The following MYH11 variants were observed in gnomAD, a reference collection of about 807,000 sequenced individuals.
The protein encoded by MYH11 is myosin heavy chain 11.
In MYH11, 80 loss-of-function variants were observed where a neutral mutation model predicts 246.6. That is an observed-to-expected ratio of 0.32 (90% confidence interval 0.27 to 0.39). The LOEUF (loss-of-function observed/expected upper bound fraction) is 0.39, where lower values mean the gene tolerates loss of function less well. Ranked by LOEUF, MYH11 falls within the 10% of genes least tolerant of loss-of-function variation. The probability of loss-of-function intolerance (pLI) is 1.00; values close to 1 mark genes in which losing one functional copy is unlikely to be tolerated. For synonymous variants in MYH11, 1,071 were observed against 1,015.5 expected (o/e 1.05, Z -1.04); for missense variants, 2,158 against 2,546.8 (o/e 0.85, Z 3.29).
rs375230260 is a variant in MYH11, at chr16:15,717,265, C to T, written c.5379G>A (p.Gln1793=). 16 of 1,613,960 alleles carry T rather than the reference C, an allele frequency of 9.9e-6. No homozygotes were observed. The highest frequency in any genetic ancestry group is 1.3e-5 in the African/African-American group (1 of 74,942). ...GGAGCTTGCTCCGGAGCTCCTTGTT[C>T]TGCCGCTCGAGCTGCTGCCGGGCAC... is the stretch of plus-strand genomic sequence containing the variant. The part of the protein sequence containing the change: ...NESARQQLER[Q]NKELRSKLHE... The change falls in exon 38 of 41, where the codon CAG becomes CAA. Residue 1793 remains glutamine, a synonymous_variant. Transcript: ENST00000300036.
chr16:15,710,690 T>G (rs1351970315), intron 40 of MYH11, among the ~76,000 whole-genome samples: 3 of 151,416 alleles, frequency 2.0e-5, no homozygotes, highest in Admixed American at 6.6e-5. Context: ...TGTTTTTTGT[T>G]TTTTTTTTGG....
Position 15,838,322 on chromosome 16 carries a change from C to T in MYH11, c.-17-53G>A. The T allele has an allele frequency of 3.5e-6, 5 of 1,441,724 alleles. 1 individual carries two copies. The South Asian group carries it at 5.8e-5, about 17-fold the overall frequency. 89.3% of individuals were successfully genotyped at this position (1,441,724 alleles called of 1,614,324 possible). The stretch of plus-strand genomic sequence containing the variant: ...TCAGACCACAACCAAGCCCGGAAGA[C>T]AGACCAACCACTCACCTTGCCCTGT... On this transcript the variant is annotated intron_variant, in intron 1 of 40. Coordinates refer to ENST00000300036, the MANE Select transcript of MYH11 (RefSeq NM_002474.3).
chr16:15,831,279 A>G (rs2043728703), intron 2 of MYH11, among the ~76,000 whole-genome samples: 1 of 152,180 alleles, frequency 6.6e-6, no homozygotes, highest in Non-Finnish European at 1.5e-5. Context: ...ATAGGAACGA[A>G]GGGGGAAGTT....
rs139354226 is a variant in MYH11 at position 15,722,726 on chromosome 16, C to G, written c.4366-1092G>C. Among the ~76,000 whole-genome samples the G allele has an allele frequency of 2.4e-3, 372 of 152,232 alleles. 2 individuals are homozygous for G. The highest frequency in any genetic ancestry group is 3.5e-3 in the Non-Finnish European group (235 of 68,008). Reference sequence around the variant, plus strand: ...AACCTGCAGGCATCTGGCATTTAGCCTCACTGTACAATCCTCATTTTATTT... The same window carrying G: ...AACCTGCAGGCATCTGGCATTTAGCGTCACTGTACAATCCTCATTTTATTT... On this transcript the variant is annotated intron_variant, in intron 31 of 40. Coordinates refer to ENST00000300036, the MANE Select transcript of MYH11 (RefSeq NM_002474.3).
At chr16:15,810,237 A>G (rs1406587791) in intron 3 of MYH11, among the ~76,000 whole-genome samples, 1 of 151,504 alleles carries the variant, frequency 6.6e-6, no homozygotes, top group Non-Finnish European at 1.5e-5. Context: ...GTTTCACTAC[A>G]TTGGCCAGGC....
At chr16:15,795,966 A>ATT (rs2042733876) in intron 4 of MYH11, among the ~76,000 whole-genome samples, 2 of 152,192 alleles carry the variant, frequency 1.3e-5, no homozygotes, top group South Asian at 4.1e-4. Context: ...GCTAATGAAT[A>ATT]TTTATTCAAT....
chr16:15,794,701 G>A (rs1695404010), intron 4 of MYH11, among the ~76,000 whole-genome samples: 2 of 152,212 alleles, frequency 1.3e-5, no homozygotes, highest in Admixed American at 1.3e-4. Context: ...GGGAAGCCAG[G>A]GAGTTGCTGA....
intron 15 of MYH11, among the ~76,000 whole-genome samples, chr16:15,751,369 G>A (rs12933334): frequency 0.031 from 4,707 of 151,528 alleles, 165 homozygotes; most frequent in East Asian, 0.11. Flanking sequence ...CTCCATGTTG[G>A]TCAGGCTGGT....
intron 2 of MYH11, among the ~76,000 whole-genome samples, chr16:15,834,124 C>A (rs35776041): frequency 0.03 from 4,500 of 152,092 alleles, 66 homozygotes; most frequent in Middle Eastern, 0.054. Context: ...AATACACAGG[C>A]CTGTCCTGAA....
In MYH11 at chr16:15,738,620, G is replaced by C; in HGVS notation, c.3066C>G (p.Ala1022=). The part of the protein sequence containing the change: ...TTNLAEEEEK[A]KNLTKLKNKH... ...TGTTTTTCAGCTTGGTAAGATTCTTGGCCTTTTCTTCCTCTTCTGCAAGAT... is the reference window on the plus strand; with the variant it reads ...TGTTTTTCAGCTTGGTAAGATTCTTCGCCTTTTCTTCCTCTTCTGCAAGAT... Residue 1022 remains alanine, a synonymous_variant, in exon 24 of 41, where the codon GCC becomes GCG. Coordinates refer to ENST00000300036, the MANE Select transcript of MYH11 (RefSeq NM_002474.3). 6.2e-7 allele frequency: 1 copy of C among 1,613,996 alleles called. No homozygotes were observed. The highest frequency in any genetic ancestry group is 8.5e-7 in the Non-Finnish European group (1 of 1,179,980).
intron 7 of MYH11, among the ~76,000 whole-genome samples, 153 bp downstream of exon 7, chr16:15,778,627 C>T (rs975710477): frequency 2.0e-5 from 3 of 152,104 alleles, no homozygotes; most frequent in African/African-American, 2.4e-5. Flanking sequence ...ATAACCACTG[C>T]ACCACAATGC....
intron 4 of MYH11, chr16:15,791,629 C>A (rs558478558): frequency 6.6e-6 from 1 of 152,118 alleles, no homozygotes; most frequent in Admixed American, 6.5e-5. Flanking sequence ...AGTTTCTTTA[C>A]CCCATTATAA....
chr16:15,739,103 T>TC (rs1490237129), intron 23 of MYH11, among the ~76,000 whole-genome samples: 1 of 150,630 alleles, frequency 6.6e-6, no homozygotes, highest in Non-Finnish European at 1.5e-5. Context: ...ACTGCTGTAT[T>TC]CTTTTTTTTT....
intron 2 of MYH11, among the ~76,000 whole-genome samples, chr16:15,833,697 C>A (rs1312303475): frequency 6.6e-6 from 1 of 152,184 alleles, no homozygotes; most frequent in African/African-American, 2.4e-5. Context: ...GCGAGCCTTG[C>A]AGAACGGAGG....
chr16:15,808,306 G>A (rs988109072), intron 3 of MYH11, among the ~76,000 whole-genome samples: 2 of 152,134 alleles, frequency 1.3e-5, no homozygotes, highest in African/African-American at 2.4e-5. Flanking sequence ...CACACTGACC[G>A]AATCACCCTT....
intron 4 of MYH11, among the ~76,000 whole-genome samples, chr16:15,789,584 G>A (rs1158400507): frequency 6.6e-6 from 1 of 152,162 alleles, no homozygotes; most frequent in African/African-American, 2.4e-5. Context: ...TCAGCAAAGA[G>A]AAAAGACAGA....
chr16:15,802,121 GA>G (rs1201518673), intron 3 of MYH11, among the ~76,000 whole-genome samples: 1 of 152,132 alleles, frequency 6.6e-6, no homozygotes, highest in African/African-American at 2.4e-5. Flanking sequence ...ATGGTCAATA[GA>G]AAAAGAGTCG....
At chr16:15,717,989 G>A (rs1372186690) in intron 37 of MYH11, 1 of 433,770 alleles carries the variant, frequency 2.3e-6, no homozygotes, top group Non-Finnish European at 4.3e-6. Flanking sequence ...AGGGCTCACT[G>A]GATAAGGTCA....
chr16:15,822,142 G>A (rs1226809203), intron 3 of MYH11, among the ~76,000 whole-genome samples: 6 of 152,180 alleles, frequency 3.9e-5, no homozygotes, highest in Admixed American at 6.5e-5. Context: ...TCTTGGGGGC[G>A]GGGTCGTGGC....
Sources: gnomAD v4.1 joint callset for allele counts (sites outside exome capture counted in the v4.1 genomes callset) on GRCh38, gnomAD v4.1.1 for gene constraint, MANE v1.5 for transcripts, NCBI Gene and HGNC (gene_info 2026-07-23, HGNC 2026-07-21) for gene names.